The following SLC5A4 variants were observed in gnomAD, a reference collection of about 807,000 sequenced individuals.
The protein encoded by SLC5A4 is solute carrier family 5 member 4.
SLC5A4 carries 55 observed loss-of-function variants against 70.3 expected under a neutral mutation model. That is an observed-to-expected ratio of 0.78 (90% CI 0.63 to 0.98). SLC5A4 has a LOEUF of 0.98. Ranked by LOEUF, SLC5A4 falls within the 50% of genes least tolerant of loss-of-function variation. The pLI, the probability that SLC5A4 is intolerant of heterozygous loss-of-function variation, is 0.00. For synonymous variants in SLC5A4, 268 were observed against 305.7 expected (o/e 0.88, Z 1.29); for missense variants, 735 against 839.2 (o/e 0.88, Z 1.53).
At chr22:32,270,227 C>T in the SLC5A4 span, 7 of 685,242 alleles carry the variant, frequency 1.0e-5, 1 homozygote, top group Admixed American at 1.4e-4. Context: ...AACATTGGAC[C>T]CTGCACCAAT....
the SLC5A4 span, among the ~76,000 whole-genome samples, chr22:32,354,151 G>A: frequency 3.3e-5 from 4 of 122,362 alleles, no homozygotes; most frequent in African/African-American, 1.3e-4. Flanking sequence ...CTCCCAAAAC[G>A]GGCAGTGGAT....
chr22:32,352,929 C>T, the SLC5A4 span, among the ~76,000 whole-genome samples: 1 of 152,236 alleles, frequency 6.6e-6, no homozygotes, highest in African/African-American at 2.4e-5. Context: ...CACAGCGAGG[C>T]GAGCGGTGGT....
chr22:32,299,449 G>C, the SLC5A4 span, among the ~76,000 whole-genome samples: 1 of 105,150 alleles, frequency 9.5e-6, no homozygotes, highest in Non-Finnish European at 2.0e-5. Context: ...GATCGCATCG[G>C]CTCCTGAGGC....
chr22:32,247,394 G>A lies in SLC5A4; in HGVS notation c.477+17C>T. On this transcript the variant is annotated intron_variant, in intron 5 of 14. Transcript: ENST00000266086. ...CCAACCTCTTGAAGCTAAAATGCCAGGAGGCTCTGAACTCACAGAAATTAA... is the reference window on the plus strand; with the variant it reads ...CCAACCTCTTGAAGCTAAAATGCCAAGAGGCTCTGAACTCACAGAAATTAA... 6.6e-7 allele frequency: 1 copy of A among 1,520,632 alleles called. No individual in the cohort carries two copies. Among genetic ancestry groups the A allele is most frequent in the Non-Finnish European group, 9.1e-7 (1 of 1,094,652 alleles). 94.2% of individuals were successfully genotyped at this position (1,520,632 alleles called of 1,614,324 possible).
chr22:32,255,478 C>T, upstream of SLC5A4: 1 of 748,932 alleles, frequency 1.3e-6, no homozygotes, highest in South Asian at 1.9e-5. Context: ...AGCTGTGGCA[C>T]CCCAGCCCTC....
intron 7 of SLC5A4, among the ~76,000 whole-genome samples, chr22:32,236,517 G>C (rs571113927): frequency 6.6e-6 from 1 of 152,274 alleles, no homozygotes; most frequent in South Asian, 2.1e-4. Context: ...GTATGATTCA[G>C]TTGAACTGAC....
At chr22:32,251,428 A>T (rs1294097935) in intron 3 of SLC5A4, among the ~76,000 whole-genome samples, 1 of 151,976 alleles carries the variant, frequency 6.6e-6, no homozygotes, top group Non-Finnish European at 1.5e-5. Flanking sequence ...TCCTGATTTT[A>T]AAAAATGAGT....
Position 32,254,211 on chromosome 22 carries a change from C to T in SLC5A4, c.138G>A (p.Ala46=), listed in dbSNP as rs201184053. 1.3e-4 allele frequency: 210 copies of T among 1,612,898 alleles called. No individual in the cohort carries two copies. Among genetic ancestry groups the T allele is most frequent in the Non-Finnish European group, 1.7e-4 (196 of 1,179,044 alleles). The part of the protein sequence containing the change: ...FLVVMAVGLW[A]MLKTNRGTIG... Reference sequence around the variant, plus strand: ...TAGTACCTCGGTTGGTCTTCAGCATCGCCTGAGCAGAAGGGAAGACAGGTG... The same window carrying T: ...TAGTACCTCGGTTGGTCTTCAGCATTGCCTGAGCAGAAGGGAAGACAGGTG... Residue 46 remains alanine, a splice_region_variant and synonymous_variant, in exon 2 of 15, where the codon GCG becomes GCA. Coordinates refer to ENST00000266086, the MANE Select transcript of SLC5A4 (RefSeq NM_014227.3).
At chr22:32,241,867 A>G (rs1414763240) in intron 5 of SLC5A4, among the ~76,000 whole-genome samples, 1 of 150,542 alleles carries the variant, frequency 6.6e-6, no homozygotes, top group Non-Finnish European at 1.5e-5. Context: ...GTGTGTATAT[A>G]TATGTGTGTA....
chr22:32,247,557 G>A, intron 4 of SLC5A4, 42 bp from the exon 5 acceptor site: 2 of 1,256,394 alleles, frequency 1.6e-6, no homozygotes, highest in Non-Finnish European at 2.3e-6. Context: ...TTACCCTTAG[G>A]GCCCTGTGCG....
At chr22:32,274,016 T>G in the SLC5A4 span, among the ~76,000 whole-genome samples, 2 of 151,980 alleles carry the variant, frequency 1.3e-5, no homozygotes, top group Non-Finnish European at 2.9e-5. Flanking sequence ...AGTGCCACTT[T>G]TGGCATGTTA....
intron 11 of SLC5A4, among the ~76,000 whole-genome samples, chr22:32,228,937 G>A (rs184924849): frequency 0.01 from 1,553 of 152,244 alleles, 18 homozygotes; most frequent in Non-Finnish European, 0.016. Context: ...GGATAGGGGG[G>A]TGATGTGAGG....
At chr22:32,326,096 G>A in the SLC5A4 span, among the ~76,000 whole-genome samples, 6 of 152,192 alleles carry the variant, frequency 3.9e-5, no homozygotes, top group African/African-American at 1.4e-4. Context: ...CTTCCAGAAT[G>A]CAGACCCTCT....
chr22:32,225,592 C>T, intron 12 of SLC5A4, 63 bp downstream of exon 12: 3 of 1,016,686 alleles, frequency 3.0e-6, no homozygotes, highest in Non-Finnish European at 4.4e-6. Context: ...TTTGATACCC[C>T]AGTGAAATAA....
At chr22:32,239,154 CA>C in intron 5 of SLC5A4, 64 bp from the exon 6 acceptor site, 1 of 1,149,324 alleles carries the variant, frequency 8.7e-7, no homozygotes, top group Non-Finnish European at 1.3e-6. Context: ...TTCTCTGCCC[CA>C]ATGTCCACTC....
At chr22:32,354,877 C>T in the SLC5A4 span, 10,841 of 152,460 alleles carry the variant, frequency 0.071, 815 homozygotes, top group East Asian at 0.45. Flanking sequence ...CTCCCTGGCC[C>T]GCACCAACGG....
chr22:32,326,150 G>A, the SLC5A4 span, among the ~76,000 whole-genome samples: 2 of 152,204 alleles, frequency 1.3e-5, no homozygotes, highest in Admixed American at 1.3e-4. Flanking sequence ...GGAGTCATGA[G>A]GCACAACACG....
chr22:32,307,837 T>C, the SLC5A4 span, among the ~76,000 whole-genome samples: 1 of 152,198 alleles, frequency 6.6e-6, no homozygotes, highest in Non-Finnish European at 1.5e-5. Flanking sequence ...AGGCATGGCC[T>C]GACTGTCCCA....
chr22:32,262,269 A>T, the SLC5A4 span, among the ~76,000 whole-genome samples: 1 of 152,210 alleles, frequency 6.6e-6, no homozygotes, highest in Non-Finnish European at 1.5e-5. Flanking sequence ...TAGTGGTTGT[A>T]CTAATTTACA....
Sources: gnomAD v4.1 joint callset for allele counts (sites outside exome capture counted in the v4.1 genomes callset) on GRCh38, gnomAD v4.1.1 for gene constraint, MANE v1.5 for transcripts, NCBI Gene and HGNC (gene_info 2026-07-23, HGNC 2026-07-21) for gene names.